The following ZC3H7A variants were observed in gnomAD, a reference collection of about 807,000 sequenced individuals.
ZC3H7A encodes zinc finger CCCH-type containing 7A.
Under a neutral mutation model 125.5 loss-of-function variants are expected in ZC3H7A, and 44 were observed. The ratio of observed to expected loss-of-function variants is 0.35; its 90% CI spans 0.28 to 0.45. The LOEUF is 0.45. Among genes scored for constraint, ZC3H7A ranks in the 20% least tolerant of loss-of-function variants. The pLI is 1.00. For missense variants in ZC3H7A, 977 were observed against 1,170.7 expected, an observed-to-expected ratio of 0.83 and a Z score of 2.41; for synonymous variants, 399 against 391.2, an observed-to-expected ratio of 1.02 and a Z score of -0.23.
chr16:11,776,954 A>G (rs766962963), intron 4 of ZC3H7A, 45 bp from the exon 5 acceptor site: 1 of 1,489,422 alleles, frequency 6.7e-7, no homozygotes, highest in Non-Finnish European at 9.0e-7. Flanking sequence ...CAAACAATTC[A>G]TTTCTTGCAC....
intron 1 of ZC3H7A, among the ~76,000 whole-genome samples, chr16:11,786,458 T>G (rs1262120723): frequency 6.6e-6 from 1 of 152,234 alleles, no homozygotes; most frequent in Non-Finnish European, 1.5e-5. Context: ...AATGGACTCC[T>G]GGGTAGTGAT....
At chr16:11,773,038 T>C (rs966823889) in intron 9 of ZC3H7A, among the ~76,000 whole-genome samples, 1 of 151,916 alleles carries the variant, frequency 6.6e-6, no homozygotes, top group Non-Finnish European at 1.5e-5. Flanking sequence ...TTAGGCTCTG[T>C]AGGCCACACG....
In ZC3H7A at chr16:11,776,848, C is replaced by T. The variant is rs1362119391; in HGVS notation, c.368G>A (p.Cys123Tyr). 2 of 1,613,558 alleles carry T rather than the reference C, an allele frequency of 1.2e-6. No homozygotes were observed. Among genetic ancestry groups the T allele is most frequent in the Non-Finnish European group, 1.7e-6 (2 of 1,179,890 alleles). Residue 123 changes from cysteine (C) to tyrosine (Y), a missense_variant, in exon 5 of 23, where the codon TGC (cysteine) becomes TAC (tyrosine). Physicochemically the swap from Cys to Tyr is radical, Grantham distance 194. Transcript: ENST00000355758. ...CTTAGATTTCCGATACAGAGCTTTG[C>T]AGTTACTGGCATTTAAACTGAGGAC... ...NIVLSLNASN[C>Y]KALYRKSKAL... is the part of the protein sequence containing the mutation.
At chr16:11,777,453 C>A (rs2053099703) in intron 4 of ZC3H7A, among the ~76,000 whole-genome samples, 1 of 152,200 alleles carries the variant, frequency 6.6e-6, no homozygotes, top group African/African-American at 2.4e-5. Context: ...GGGCACAGTG[C>A]CTCACAGCTG....
intron 1 of ZC3H7A, among the ~76,000 whole-genome samples, chr16:11,788,663 G>GAGTGT (rs1291121776): frequency 3.3e-5 from 5 of 151,010 alleles, no homozygotes; most frequent in African/African-American, 1.2e-4. Context: ...GCCCAGGCTG[G>GAGTGT]AGTGTAGTGG....
intron 4 of ZC3H7A, among the ~76,000 whole-genome samples, chr16:11,778,816 C>T (rs1025045791): frequency 1.3e-5 from 2 of 152,086 alleles, no homozygotes; most frequent in Non-Finnish European, 2.9e-5. Context: ...TGGGTTCAAG[C>T]GATTCTCCTG....
chr16:11,780,725 G>A (rs1342433386), intron 3 of ZC3H7A, among the ~76,000 whole-genome samples: 1 of 152,102 alleles, frequency 6.6e-6, no homozygotes, highest in African/African-American at 2.4e-5. Flanking sequence ...GGAGGAGGGA[G>A]AGAGGCAGCA....
At chr16:11,768,620 C>CCTG in intron 11 of ZC3H7A, 119 bp from the exon 12 acceptor site, 1 of 850,624 alleles carries the variant, frequency 1.2e-6, no homozygotes, top group South Asian at 3.1e-5. Context: ...GAGGTCAGTA[C>CCTG]TACTCCATCC....
Position 11,765,292 on chromosome 16 carries a change from C to A in ZC3H7A, c.1720-139G>T. 1.5e-6 allele frequency: 1 copy of A among 663,280 alleles called. No homozygotes were observed. 41.1% of individuals were successfully genotyped at this position (663,280 alleles called of 1,614,324 possible). On this transcript the variant is annotated intron_variant, in intron 14 of 22. Coordinates refer to ENST00000355758, the MANE Select transcript of ZC3H7A (RefSeq NM_014153.4). This position sits in a 1 kb window ranked among gnomAD's most constrained non-coding sequence, Gnocchi z 4.8. Reference sequence around the variant, plus strand: ...ATATTCTTTTTGGTAACAGTAATAGCCAACATTTACTGAATGAATGTTTTA... The same window carrying A: ...ATATTCTTTTTGGTAACAGTAATAGACAACATTTACTGAATGAATGTTTTA...
chr16:11,789,336 C>G (rs916829930), intron 1 of ZC3H7A, among the ~76,000 whole-genome samples: 1 of 152,018 alleles, frequency 6.6e-6, no homozygotes, highest in Non-Finnish European at 1.5e-5. Context: ...CAATCTCCAG[C>G]CTCCGCTTCC....
At chr16:11,752,960 A>C in intron 21 of ZC3H7A, 128 bp from the exon 22 acceptor site, 3 of 1,188,492 alleles carry the variant, frequency 2.5e-6, no homozygotes, top group Non-Finnish European at 2.3e-6. Context: ...AGGGACAAGG[A>C]AAGGACCACA....
At chr16:11,784,572 G>A (rs1191174390) in intron 1 of ZC3H7A, among the ~76,000 whole-genome samples, 1 of 151,936 alleles carries the variant, frequency 6.6e-6, no homozygotes, top group Non-Finnish European at 1.5e-5. Context: ...AATTTTAAAA[G>A]AGGCCGGGCG....
At chr16:11,791,375 C>A (rs2053349661) in intron 1 of ZC3H7A, among the ~76,000 whole-genome samples, 1 of 152,100 alleles carries the variant, frequency 6.6e-6, no homozygotes, top group South Asian at 2.1e-4. Flanking sequence ...CACTTCCCAG[C>A]TCTTCACAGA....
intron 16 of ZC3H7A, 100 bp downstream of exon 16, chr16:11,763,378 G>C (rs2052786352): frequency 8.1e-7 from 1 of 1,233,158 alleles, no homozygotes; most frequent in African/African-American, 1.5e-5. Context: ...CAAAGTAGTG[G>C]GATTACAGGC....
rs541694148 is a variant in ZC3H7A, at chr16:11,773,325, C to T, written c.903+911G>A. On this transcript the variant is annotated intron_variant, in intron 9 of 22. Transcript: ENST00000355758. The stretch of plus-strand genomic sequence containing the variant: ...CTTCCAAGCAGTGGGACCACAGGCA[C>T]GCACCACTATGCCAGGCTGTTTTTA... Among the ~76,000 whole-genome samples, 24 of 152,012 alleles carry T rather than the reference C, an allele frequency of 1.6e-4. 1 individual carries two copies. In the South Asian group the frequency reaches 4.6e-3, roughly 29 times the overall value.
At chr16:11,778,288 T>C (rs2053116005) in intron 4 of ZC3H7A, among the ~76,000 whole-genome samples, 1 of 151,608 alleles carries the variant, frequency 6.6e-6, no homozygotes, top group African/African-American at 2.4e-5. Context: ...ATACAAAAAA[T>C]TTGCTGGGCA....
chr16:11,754,918 T>C (rs1041911488), intron 21 of ZC3H7A, among the ~76,000 whole-genome samples: 1 of 99,892 alleles, frequency 1.0e-5, no homozygotes, highest in Non-Finnish European at 2.0e-5. Context: ...AAAAAAAGAA[T>C]ACATGTGTTG....
In ZC3H7A at chr16:11,774,983, G is replaced by A; in HGVS notation, c.616C>T (p.Pro206Ser). 1 of 1,614,058 alleles carries A rather than the reference G, an allele frequency of 6.2e-7. No individual in the cohort carries two copies. The highest frequency in any genetic ancestry group is 8.5e-7 in the Non-Finnish European group (1 of 1,179,982). Residue 206 changes from proline (P) to serine (S), a missense_variant, in exon 8 of 23, where the codon CCA (proline) becomes TCA (serine). This residue lies in a region of ZC3H7A where 199 missense variants were observed against 256.1 expected (regional missense o/e 0.78). Transcript: ENST00000355758. ...ALNHSVEDIEPDLLTPRQEAV... is the reference protein window; with the variant it reads ...ALNHSVEDIESDLLTPRQEAV... The stretch of plus-strand genomic sequence containing the variant: ...AAGATGATATGTGAAAACATACCTG[G>A]CTCAATATCTTCCACAGAATGGTTC...
chr16:11,762,924 GCT>G (rs1381567134), intron 16 of ZC3H7A, 177 bp from the exon 17 acceptor site: 1 of 535,884 alleles, frequency 1.9e-6, no homozygotes, highest in East Asian at 3.1e-5. Flanking sequence ...CACAAATACA[GCT>G]CTTTGTGCCT....
Sources: gnomAD v4.1 joint callset for allele counts (sites outside exome capture counted in the v4.1 genomes callset) on GRCh38, gnomAD v4.1.1 for gene constraint, gnomAD v4.1.1 regional missense constraint, Gnocchi (gnomAD v3.1) non-coding constraint, MANE v1.5 for transcripts, NCBI Gene and HGNC (gene_info 2026-07-23, HGNC 2026-07-21) for gene names.